The following TIA1 variants were observed in gnomAD, a reference collection of about 807,000 sequenced individuals.
TIA1 encodes the protein cytotoxic granule associated RNA binding protein TIA1.
In TIA1, 23 loss-of-function variants were observed where a neutral mutation model predicts 65.9. The ratio of observed to expected loss-of-function variants is 0.35; its 90% confidence interval spans 0.25 to 0.49. The LOEUF is 0.49. Among genes scored for constraint, TIA1 ranks in the 20% least tolerant of loss-of-function variants. The pLI, the probability that TIA1 is intolerant of heterozygous loss-of-function variation, is 0.98. For synonymous variants in TIA1, 147 were observed against 149.4 expected (o/e 0.98, Z 0.12); for missense variants, 371 against 477.9 (o/e 0.78, Z 2.09).
chr2:70,244,101 T>G (rs184855816), intron 1 of TIA1, among the ~76,000 whole-genome samples: 1 of 152,282 alleles, frequency 6.6e-6, no homozygotes, highest in East Asian at 1.9e-4. Flanking sequence ...TCTACTACAT[T>G]TACTCTCTTC....
rs1676341843 is a variant in TIA1 at position 70,210,996 on chromosome 2, C to G, written c.*1723G>C. 6.6e-6 allele frequency: 1 copy of G among 152,154 alleles called. No homozygotes were observed. Among genetic ancestry groups the G allele is most frequent in the East Asian group, 1.9e-4 (1 of 5,200 alleles). The allele number at this position is 152,154 out of a possible 1,614,324, so 9.4% of individuals were successfully genotyped here. ...GGGCTCTGGTTTATAAGGGTATTGG[C>G]TTAGAGACCAGCTTGGAGTCATTTG... On this transcript the variant is annotated 3_prime_UTR_variant, in exon 13 of 13. Coordinates refer to ENST00000433529, the MANE Select transcript of TIA1 (RefSeq NM_022173.4).
In TIA1 at chr2:70,230,652, CA is replaced by C. The variant is rs5832003; in HGVS notation, c.222+103del. ...GGGCAACAAGGGCAAAATTTCATCT[CA>C]AAAAAAAAAAAAAAGTGTTTAATGT... is the stretch of plus-strand genomic sequence containing the variant. On this transcript the variant is annotated intron_variant, in intron 3 of 12. Transcript: ENST00000433529. 0.062 allele frequency: 41,769 copies of C among 671,906 alleles called. 9 individuals are homozygous for C. The highest frequency in any genetic ancestry group is 0.081 in the South Asian group (3,303 of 40,844). 41.6% of individuals were successfully genotyped at this position (671,906 alleles called of 1,614,324 possible).
At chr2:70,229,524 T>C (rs1685205212) in intron 3 of TIA1, among the ~76,000 whole-genome samples, 1 of 152,206 alleles carries the variant, frequency 6.6e-6, no homozygotes, top group African/African-American at 2.4e-5. Context: ...TCTGTTATCA[T>C]TCAATTAACC....
intron 7 of TIA1, among the ~76,000 whole-genome samples, chr2:70,224,042 C>T (rs142803692): frequency 0.012 from 1,760 of 152,140 alleles, 40 homozygotes; most frequent in African/African-American, 0.04. Context: ...CTCAGCTTCC[C>T]GAGTAGCTGG....
chr2:70,215,798 A>AG, intron 10 of TIA1: 1 of 321,218 alleles, frequency 3.1e-6, no homozygotes, highest in Non-Finnish European at 5.7e-6. Flanking sequence ...CCCATGCTGG[A>AG]GTGCAGTGAT....
chr2:70,219,560 T>G (rs991974402), intron 7 of TIA1, among the ~76,000 whole-genome samples: 2 of 152,154 alleles, frequency 1.3e-5, no homozygotes, highest in African/African-American at 2.4e-5. Context: ...AGCCTTGAAC[T>G]CCTTGGGCTC....
chr2:70,213,970 C>A (rs1457960014), intron 12 of TIA1, among the ~76,000 whole-genome samples: 3 of 152,126 alleles, frequency 2.0e-5, no homozygotes, highest in Non-Finnish European at 4.4e-5. Flanking sequence ...TCCTTTTTAA[C>A]CTCTCAAGTA....
intron 1 of TIA1, among the ~76,000 whole-genome samples, chr2:70,248,196 GATTA>G (rs1011204435): frequency 1.3e-5 from 2 of 152,188 alleles, no homozygotes; most frequent in Non-Finnish European, 1.5e-5. Context: ...AAAGTGAAGG[GATTA>G]ATTGAGAGGG....
At chr2:70,221,683 G>C (rs1384551429) in intron 7 of TIA1, among the ~76,000 whole-genome samples, 1 of 152,132 alleles carries the variant, frequency 6.6e-6, no homozygotes, top group Non-Finnish European at 1.5e-5. Flanking sequence ...GACTGCTAAT[G>C]AGTCATGTAG....
chr2:70,223,288 TAA>T (rs997129623), intron 7 of TIA1, among the ~76,000 whole-genome samples: 91 of 152,100 alleles, frequency 6.0e-4, no homozygotes, highest in Non-Finnish European at 1.2e-3. Context: ...TGCTTAATAG[TAA>T]AGTTTTGAGA....
At chr2:70,223,115 T>G (rs779352960) in intron 7 of TIA1, among the ~76,000 whole-genome samples, 3 of 152,122 alleles carry the variant, frequency 2.0e-5, no homozygotes, top group African/African-American at 4.8e-5. Flanking sequence ...ATCTCGAAAA[T>G]GTGAAAAATG....
chr2:70,243,577 A>G (rs1692868932), intron 1 of TIA1, among the ~76,000 whole-genome samples: 1 of 152,236 alleles, frequency 6.6e-6, no homozygotes, highest in African/African-American at 2.4e-5. Flanking sequence ...CTGCCTTACT[A>G]GTTGGGACCT....
chr2:70,222,557 G>A (rs183740179), intron 7 of TIA1, among the ~76,000 whole-genome samples: 69 of 152,258 alleles, frequency 4.5e-4, no homozygotes, highest in East Asian at 3.9e-3. Context: ...AGCCAAGCAC[G>A]TATCACAAAT....
intron 7 of TIA1, among the ~76,000 whole-genome samples, chr2:70,220,824 G>A (rs1191308892): frequency 6.6e-6 from 1 of 151,578 alleles, no homozygotes; most frequent in African/African-American, 2.4e-5. Flanking sequence ...CAAGAAATGG[G>A]GATACAGTTA....
Position 70,248,415 on chromosome 2 carries a change from G to A in TIA1, c.16C>T (p.Pro6Ser). The change falls in exon 1 of 13, where the codon CCC becomes TCC. Residue 6 changes from proline (P) to serine (S), a missense_variant. By Grantham distance (74) the Pro-to-Ser change is moderately conservative (BLOSUM62 -1). Coordinates refer to ENST00000433529, the MANE Select transcript of TIA1 (RefSeq NM_022173.4). MEDEMPKTLYVGNLSR... is the reference protein window; with the variant it reads MEDEMSKTLYVGNLSR... Reference sequence around the variant, plus strand: ...CTGCCCCAGACTCACAGAGTCTTGGGCATCTCGTCCTCCATGGCTGCTGCT... The same window carrying A: ...CTGCCCCAGACTCACAGAGTCTTGGACATCTCGTCCTCCATGGCTGCTGCT... 1 of 1,600,594 alleles carries A rather than the reference G, an allele frequency of 6.2e-7. No homozygotes were observed. Among genetic ancestry groups the A allele is most frequent in the African/African-American group, 1.3e-5 (1 of 75,048 alleles).
rs759989951 is a variant in TIA1, at chr2:70,209,796, C to T, written c.*2923G>A. On this transcript the variant is annotated 3_prime_UTR_variant, in exon 13 of 13. Coordinates refer to ENST00000433529, the MANE Select transcript of TIA1 (RefSeq NM_022173.4). ...TTTCTTATTTCCTGTAAGTACATTT[C>T]GTTTTTCTAATTCAACTGTAACCTC... 1.0e-5 allele frequency: 4 copies of T among 397,866 alleles called. No individual in the cohort carries two copies. Among genetic ancestry groups the T allele is most frequent in the East Asian group, 7.1e-5 (2 of 27,982 alleles). 24.6% of individuals were successfully genotyped at this position (397,866 alleles called of 1,614,324 possible). A position where few individuals can be genotyped will look rare whatever the true frequency, so the allele number is the denominator to read the frequency against.
intron 6 of TIA1, among the ~76,000 whole-genome samples, chr2:70,227,088 A>G (rs1684132626): frequency 6.6e-6 from 1 of 152,162 alleles, no homozygotes; most frequent in Admixed American, 6.5e-5. Flanking sequence ...AAAGTACTGT[A>G]AACAACTTGT....
intron 7 of TIA1, 105 bp downstream of exon 7, chr2:70,224,449 C>G: frequency 2.0e-6 from 3 of 1,471,570 alleles, no homozygotes; most frequent in Non-Finnish European, 2.8e-6. Context: ...TTATTTTAAT[C>G]ATCAGTAAAA....
intron 1 of TIA1, among the ~76,000 whole-genome samples, chr2:70,241,503 TGGATATACCTCC>T (rs1691703934): frequency 6.6e-6 from 1 of 152,208 alleles, no homozygotes; most frequent in African/African-American, 2.4e-5. Context: ...ATGAATTCTT[TGGATATACCTCC>T]CTCCAGGAAG....
Sources: gnomAD v4.1 joint callset for allele counts (sites outside exome capture counted in the v4.1 genomes callset) on GRCh38, gnomAD v4.1.1 for gene constraint, MANE v1.5 for transcripts, NCBI Gene and HGNC (gene_info 2026-07-23, HGNC 2026-07-21) for gene names.